The following CSTF3 variants were observed in gnomAD, a reference collection of about 807,000 sequenced individuals.
CSTF3 encodes the protein cleavage stimulation factor subunit 3, also known as CF-1 77 kDa subunit.
In CSTF3, 29 loss-of-function variants were observed where a neutral mutation model predicts 105.8. That is an observed-to-expected ratio of 0.27 (90% CI 0.20 to 0.37). The LOEUF is 0.37. CSTF3 is among the 10% of genes least tolerant of loss of function. The pLI is 1.00. For synonymous variants in CSTF3, 252 were observed against 281.9 expected, an observed-to-expected ratio of 0.89 and a Z score of 1.06; for missense variants, 357 against 879.3, an observed-to-expected ratio of 0.41 and a Z score of 7.51.
Position 33,106,216 on chromosome 11 carries a change from C to T in CSTF3, c.357-152G>A, listed in dbSNP as rs796466034. Reference sequence around the variant, plus strand: ...CTTGAGACCAGGAATTCAAGACCTGCCTGTGCAACATAGCAAAACCCAGTC... The same window carrying T: ...CTTGAGACCAGGAATTCAAGACCTGTCTGTGCAACATAGCAAAACCCAGTC... On this transcript the variant is annotated intron_variant, in intron 5 of 20. Transcript: ENST00000323959. 3.2e-5 allele frequency: 19 copies of T among 599,778 alleles called. No homozygotes were observed. The African/African-American group carries it at 3.4e-4, about 11-fold the overall frequency. The allele number at this position is 599,778 out of a possible 1,614,324, so 37.2% of individuals were successfully genotyped here. A position where few individuals can be genotyped will look rare whatever the true frequency, so the allele number is the denominator to read the frequency against.
At chr11:33,090,797 A>AGTT in intron 16 of CSTF3, 70 bp from the exon 17 acceptor site, 2 of 1,047,172 alleles carry the variant, frequency 1.9e-6, no homozygotes, top group Non-Finnish European at 2.6e-6. Context: ...ATTTACAAAA[A>AGTT]CGCCTTAAGC....
chr11:33,093,636 T>G (rs1175455448), intron 15 of CSTF3, among the ~76,000 whole-genome samples: 1 of 152,220 alleles, frequency 6.6e-6, no homozygotes, highest in East Asian at 1.9e-4. Flanking sequence ...TTTACATTTT[T>G]TTTTGTACTA....
chr11:33,090,491 G>A (rs1377250930), intron 17 of CSTF3, 41 bp downstream of exon 17: 5 of 1,247,626 alleles, frequency 4.0e-6, no homozygotes, highest in Non-Finnish European at 5.3e-6. Context: ...TAAAACACTG[G>A]AAAAGTGAGG....
At chr11:33,161,255 TGGA>T (rs1306491315) in intron 1 of CSTF3, 41 bp downstream of exon 1, 10 of 1,610,518 alleles carry the variant, frequency 6.2e-6, no homozygotes, top group Non-Finnish European at 8.5e-6. Context: ...GGAACAGACG[TGGA>T]GAAGAGGTCG....
intron 1 of CSTF3, 82 bp downstream of exon 1, chr11:33,161,217 T>C (rs1404763699): frequency 6.5e-7 from 1 of 1,534,058 alleles, no homozygotes; most frequent in African/African-American, 1.4e-5. Context: ...AATTCCTTCC[T>C]CAGCCGAACA....
chr11:33,085,550 A>G (rs573480815), intron 20 of CSTF3, among the ~76,000 whole-genome samples, 163 bp downstream of exon 20: 1 of 152,354 alleles, frequency 6.6e-6, no homozygotes, highest in East Asian at 1.9e-4. Context: ...CAATGTGAAT[A>G]AGCCTTTCTC....
chr11:33,141,456 T>C, intron 3 of CSTF3: 2 of 1,303,320 alleles, frequency 1.5e-6, no homozygotes, highest in Non-Finnish European at 1.9e-6. Context: ...TTTAATGTTG[T>C]TGCAACTCCA....
In CSTF3 at chr11:33,099,166, G is replaced by A; in HGVS notation, c.937-16C>T. 1.3e-6 allele frequency: 2 copies of A among 1,569,100 alleles called. No homozygotes were observed. Among genetic ancestry groups the A allele is most frequent in the Non-Finnish European group, 1.7e-6 (2 of 1,168,642 alleles). ...TATTCATATCCTGGTAGAAAAAAAA[G>A]AAAGCTCATCTTCAATAATTTTAAT... On this transcript the variant is annotated splice_polypyrimidine_tract_variant and intron_variant, in intron 11 of 20. Coordinates refer to ENST00000323959, the MANE Select transcript of CSTF3 (RefSeq NM_001326.3). The surrounding 1 kb of genome is among the most constrained non-coding windows in gnomAD (Gnocchi z 4.1).
chr11:33,148,507 A>AC (rs2133804360), intron 1 of CSTF3, among the ~76,000 whole-genome samples: 2 of 151,942 alleles, frequency 1.3e-5, no homozygotes, highest in African/African-American at 4.8e-5. Context: ...GACCAGCCTG[A>AC]CCAACACAGT....
chr11:33,125,138 G>A (rs1358086266), intron 3 of CSTF3, among the ~76,000 whole-genome samples: 1 of 152,110 alleles, frequency 6.6e-6, no homozygotes, highest in Admixed American at 6.6e-5. Context: ...ACTTCAAGTA[G>A]ACACATTTTC....
chr11:33,154,590 G>A (rs1346612357), intron 1 of CSTF3, among the ~76,000 whole-genome samples: 3 of 145,152 alleles, frequency 2.1e-5, no homozygotes, highest in East Asian at 2.1e-4. Flanking sequence ...TCCGACTCCC[G>A]GGTTCAAGTG....
At position 33,161,348 on chromosome 11, in the gene CSTF3, C is replaced by A; in HGVS notation, c.-23G>T. ...CATGGCCTCAGCTGATTACAACGTG[C>A]GCACTGACCGTCGATGGGAAGCTAG... On this transcript the variant is annotated 5_prime_UTR_variant, in exon 1 of 21. Coordinates refer to ENST00000323959, the MANE Select transcript of CSTF3 (RefSeq NM_001326.3). 2.5e-6 allele frequency: 4 copies of A among 1,611,956 alleles called. No homozygotes were observed. The highest frequency in any genetic ancestry group is 3.4e-6 in the Non-Finnish European group (4 of 1,179,884).
At chr11:33,103,555 G>A (rs1855299410) in intron 8 of CSTF3, among the ~76,000 whole-genome samples, 1 of 152,134 alleles carries the variant, frequency 6.6e-6, no homozygotes, top group South Asian at 2.1e-4. Context: ...ATCACTTGAG[G>A]TCAGGAGTTC....
chr11:33,134,181 T>A (rs1590279938), intron 3 of CSTF3, among the ~76,000 whole-genome samples: 1 of 152,196 alleles, frequency 6.6e-6, no homozygotes, highest in African/African-American at 2.4e-5. Context: ...TTTTTGTAAG[T>A]TCAAAGTAAT....
At chr11:33,154,447 T>C (rs1207684340) in intron 1 of CSTF3, among the ~76,000 whole-genome samples, 1 of 152,082 alleles carries the variant, frequency 6.6e-6, no homozygotes, top group African/African-American at 2.4e-5. Flanking sequence ...GTTAACTTTT[T>C]TTCAAAATTA....
chr11:33,095,850 A>C (rs1855218202), intron 15 of CSTF3, among the ~76,000 whole-genome samples: 1 of 151,946 alleles, frequency 6.6e-6, no homozygotes, highest in Middle Eastern at 3.2e-3. Context: ...AAATAAATAA[A>C]TAAATACTAA....
chr11:33,110,444 C>CT (rs1055866126), intron 3 of CSTF3, among the ~76,000 whole-genome samples: 61 of 152,334 alleles, frequency 4.0e-4, no homozygotes, highest in African/African-American at 1.5e-3. Flanking sequence ...TACTGGGCCT[C>CT]TTCTTTGAGA....
chr11:33,158,782 T>C (rs1352339705), intron 1 of CSTF3, among the ~76,000 whole-genome samples: 1 of 152,096 alleles, frequency 6.6e-6, no homozygotes, highest in Non-Finnish European at 1.5e-5. Flanking sequence ...GAAATACAGA[T>C]GAAGGGACAA....
At chr11:33,131,667 A>T (rs1360716738) in intron 3 of CSTF3, among the ~76,000 whole-genome samples, 1 of 151,530 alleles carries the variant, frequency 6.6e-6, no homozygotes, top group Non-Finnish European at 1.5e-5. Context: ...TAACACAGTG[A>T]AACCCCATCT....
Sources: allele counts gnomAD v4.1 joint callset (sites outside exome capture counted in the v4.1 genomes callset), GRCh38; gene constraint gnomAD v4.1.1; non-coding constraint Gnocchi (gnomAD v3.1); transcripts MANE v1.5; gene names NCBI Gene and HGNC (gene_info 2026-07-23, HGNC 2026-07-21).